The following RFX3 variants were observed in gnomAD, a reference collection of about 807,000 sequenced individuals.
The protein encoded by RFX3 is transcription factor RFX3.
A neutral mutation model predicts 98.6 loss-of-function variants in RFX3; 14 were observed. The ratio of observed to expected loss-of-function variants is 0.14; its 90% CI spans 0.09 to 0.22. The LOEUF is 0.22. Among genes scored for constraint, RFX3 ranks in the 10% least tolerant of loss-of-function variants. The pLI is 1.00. For synonymous variants in RFX3, 383 were observed against 328.4 expected (o/e 1.17, Z -1.80); for missense variants, 639 against 926.9 (o/e 0.69, Z 4.03).
chr9:3,254,015 G>A (rs752119399), intron 14 of RFX3, among the ~76,000 whole-genome samples: 2 of 151,966 alleles, frequency 1.3e-5, no homozygotes, highest in African/African-American at 4.8e-5. Context: ...TTTCCTTCTG[G>A]GGCCCTGAAC....
In RFX3 at chr9:3,394,083, T is replaced by C. The variant is rs143116882; in HGVS notation, c.117+1389A>G. On this transcript the variant is annotated intron_variant, in intron 2 of 16. Transcript: ENST00000617270. ...GATCAAAACTATATATAGTTCAATC[T>C]AATAAACTGGTAGCTTGAGGGATGG... Among the ~76,000 whole-genome samples, 77 of 152,308 alleles carry C rather than the reference T, an allele frequency of 5.1e-4. 1 individual carries two copies. The highest frequency in any genetic ancestry group is 1.8e-3 in the African/African-American group (74 of 41,550).
intron 4 of RFX3, among the ~76,000 whole-genome samples, chr9:3,310,820 T>C (rs1349393144): frequency 2.0e-5 from 3 of 152,182 alleles, no homozygotes; most frequent in Non-Finnish European, 4.4e-5. Context: ...ATAAAATGAA[T>C]ATAAACAAAG....
intron 2 of RFX3, among the ~76,000 whole-genome samples, chr9:3,352,288 G>A (rs935229757): frequency 2.6e-5 from 4 of 151,796 alleles, no homozygotes; most frequent in Admixed American, 6.6e-5. Flanking sequence ...ATATATGTTC[G>A]TATGTGTATA....
intron 1 of RFX3, chr9:3,489,459 A>C: frequency 1.0e-6 from 1 of 981,796 alleles, no homozygotes; most frequent in Non-Finnish European, 1.2e-6. Flanking sequence ...ATCTTCCTAC[A>C]TAACAAAACT....
chr9:3,453,297 T>G (rs1259858990), intron 1 of RFX3, among the ~76,000 whole-genome samples: 1 of 152,054 alleles, frequency 6.6e-6, no homozygotes, highest in Non-Finnish European at 1.5e-5. Flanking sequence ...TATTCGCAGT[T>G]CATTAGGGAA....
chr9:3,318,100 T>C (rs1025895210), intron 4 of RFX3, among the ~76,000 whole-genome samples: 2 of 152,282 alleles, frequency 1.3e-5, no homozygotes, highest in Middle Eastern at 3.4e-3. Flanking sequence ...CTATTCACAA[T>C]AGCAAAGTCT....
At chr9:3,442,335 C>G (rs1000547275) in intron 1 of RFX3, among the ~76,000 whole-genome samples, 38 of 149,998 alleles carry the variant, frequency 2.5e-4, no homozygotes, top group African/African-American at 9.3e-4. Flanking sequence ...GCACCTCTCC[C>G]AAAAAAAAAT....
intron 1 of RFX3, among the ~76,000 whole-genome samples, chr9:3,482,020 C>T (rs1335485597): frequency 6.6e-6 from 1 of 152,016 alleles, no homozygotes; most frequent in African/African-American, 2.4e-5. Context: ...CCAGCATTTA[C>T]TCAGCAATTC....
Position 3,224,478 on chromosome 9 carries a change from C to G in RFX3, c.*564G>C, listed in dbSNP as rs1017861641. The G allele has an allele frequency of 1.3e-5, 2 of 152,474 alleles. No homozygotes were observed. Among genetic ancestry groups the G allele is most frequent in the Admixed American group, 6.5e-5 (1 of 15,318 alleles). The allele number at this position is 152,474 out of a possible 1,614,324, so 9.4% of individuals were successfully genotyped here. On this transcript the variant is annotated 3_prime_UTR_variant, in exon 17 of 17. Transcript: ENST00000617270. ...AGAGAAAAATAGATGACCTTCCAAA[C>G]CCTCTAGCACTATAATAAAAATGCT...
At chr9:3,483,051 T>C (rs1444634654) in intron 1 of RFX3, among the ~76,000 whole-genome samples, 2 of 152,188 alleles carry the variant, frequency 1.3e-5, no homozygotes, top group East Asian at 3.8e-4. Flanking sequence ...CTCTCAGCTG[T>C]TTATTTTGCA....
At chr9:3,256,219 C>G (rs1407111468) in intron 14 of RFX3, among the ~76,000 whole-genome samples, 1 of 152,126 alleles carries the variant, frequency 6.6e-6, no homozygotes, top group African/African-American at 2.4e-5. Context: ...ATCCGCCCAC[C>G]TCAGCCTCCC....
intron 15 of RFX3, among the ~76,000 whole-genome samples, chr9:3,230,216 C>T (rs2130678361): frequency 6.6e-6 from 1 of 152,276 alleles, no homozygotes; most frequent in East Asian, 1.9e-4. Context: ...AGGCATTCCA[C>T]AACATATTTA....
At chr9:3,281,428 G>C (rs1825900425) in intron 7 of RFX3, among the ~76,000 whole-genome samples, 1 of 149,810 alleles carries the variant, frequency 6.7e-6, no homozygotes, top group Non-Finnish European at 1.5e-5. Context: ...TAATATTTAA[G>C]AGTATTTTCC....
At chr9:3,241,914 GA>G (rs570800057) in intron 15 of RFX3, among the ~76,000 whole-genome samples, 117 of 151,826 alleles carry the variant, frequency 7.7e-4, no homozygotes, top group Non-Finnish European at 1.5e-3. Context: ...TAAGGCAGAG[GA>G]AAAAAAACTC....
chr9:3,475,163 A>G (rs1384089308), intron 1 of RFX3, among the ~76,000 whole-genome samples: 3 of 151,958 alleles, frequency 2.0e-5, no homozygotes, highest in Non-Finnish European at 4.4e-5. Flanking sequence ...TGCCAACTAT[A>G]AACAGTTATA....
intron 2 of RFX3, among the ~76,000 whole-genome samples, chr9:3,384,813 C>T (rs747481978): frequency 3.9e-5 from 6 of 152,166 alleles, no homozygotes; most frequent in Non-Finnish European, 7.4e-5. Context: ...CGCTCTCCCC[C>T]AGCCATATAG....
intron 1 of RFX3, among the ~76,000 whole-genome samples, chr9:3,433,906 G>C (rs949540553): frequency 2.6e-5 from 4 of 152,054 alleles, no homozygotes; most frequent in African/African-American, 9.7e-5. Context: ...TAAACAAATG[G>C]GCATGGCTGT....
intron 2 of RFX3, among the ~76,000 whole-genome samples, chr9:3,348,515 T>C (rs1688753582): frequency 6.6e-6 from 1 of 151,664 alleles, no homozygotes; most frequent in African/African-American, 2.4e-5. Flanking sequence ...TCTAATTCTA[T>C]TATTCTTTCT....
intron 1 of RFX3, among the ~76,000 whole-genome samples, chr9:3,499,387 T>C (rs184534718): frequency 1.3e-5 from 2 of 152,162 alleles, no homozygotes; most frequent in East Asian, 1.9e-4. Flanking sequence ...CATTTCATTA[T>C]AAAAACAGAT....
Sources: gnomAD v4.1 joint callset for allele counts (sites outside exome capture counted in the v4.1 genomes callset) on GRCh38, gnomAD v4.1.1 for gene constraint, MANE v1.5 for transcripts, NCBI Gene and HGNC (gene_info 2026-07-23, HGNC 2026-07-21) for gene names.